Variants in TMEM117 observed in about 807,000 individuals in gnomAD.
TMEM117 encodes transmembrane protein 117.
Under a neutral mutation model 52.4 loss-of-function variants are expected in TMEM117, and 27 were observed. The observed-to-expected ratio is 0.51, with a 90% CI of 0.38 to 0.71. The LOEUF is 0.71. Among genes scored for constraint, TMEM117 ranks in the 30% least tolerant of loss-of-function variants. The pLI is 0.00. For missense variants in TMEM117, 556 were observed against 630.5 expected (o/e 0.88, Z 1.26); for synonymous variants, 215 against 206.3 (o/e 1.04, Z -0.36).
In TMEM117 at chr12:44,048,572, C is replaced by T. The variant is rs138121896; in HGVS notation, c.411-94953C>T. Among the ~76,000 whole-genome samples, 4 of 152,108 alleles carry T rather than the reference C, an allele frequency of 2.6e-5. No homozygotes were observed. In the East Asian group the frequency reaches 7.7e-4, roughly 29 times the overall value. On this transcript the variant is annotated intron_variant, in intron 3 of 7. Transcript: ENST00000266534. ...CTATCATATGCAAATATTTTTTTGG[C>T]TACTATGGATCAAAATGGTTTGCAG...
At chr12:44,001,228 C>T (rs1002009107) in intron 3 of TMEM117, among the ~76,000 whole-genome samples, 7 of 152,164 alleles carry the variant, frequency 4.6e-5, no homozygotes, top group Admixed American at 2.0e-4. Context: ...TCACATTTAA[C>T]CCTAAAATGG....
intron 3 of TMEM117, among the ~76,000 whole-genome samples, chr12:43,980,394 G>C (rs544309367): frequency 1.3e-5 from 2 of 151,180 alleles, no homozygotes; most frequent in Non-Finnish European, 2.9e-5. Context: ...TACATCTAGC[G>C]TACCTTCTTC....
At chr12:43,819,836 G>A in the TMEM117 span, among the ~76,000 whole-genome samples, 8 of 151,746 alleles carry the variant, frequency 5.3e-5, no homozygotes, top group Non-Finnish European at 7.4e-5. Flanking sequence ...AAGGAAGGAG[G>A]GAAGGAAGGG....
rs550424486 is a variant in TMEM117 at position 44,327,787 on chromosome 12, A to G, written c.768+28048A>G. 1.2e-4 allele frequency among the ~76,000 whole-genome samples: 18 copies of G among 152,258 alleles called. No homozygotes were observed. In the South Asian group the frequency reaches 3.3e-3, roughly 28 times the overall value. ...GCATTTAGAGTCAGTCCTTTCAGAT[A>G]TAAGTGTGCTGTGCAGGAAAAGTTC... On this transcript the variant is annotated intron_variant, in intron 6 of 7. Coordinates refer to ENST00000266534, the MANE Select transcript of TMEM117 (RefSeq NM_032256.3).
At chr12:43,960,782 T>TA (rs1402117379) in intron 3 of TMEM117, among the ~76,000 whole-genome samples, 69 of 152,318 alleles carry the variant, frequency 4.5e-4, no homozygotes, top group African/African-American at 1.6e-3. Context: ...GCGGAAACGT[T>TA]AGACAGTTTT....
chr12:44,352,420 T>C (rs1177062800), intron 6 of TMEM117, among the ~76,000 whole-genome samples: 2 of 152,130 alleles, frequency 1.3e-5, no homozygotes, highest in Non-Finnish European at 2.9e-5. Flanking sequence ...GCATTAGGTG[T>C]ATCTCCTAAT....
chr12:44,174,024 T>G (rs2138292482), intron 4 of TMEM117, among the ~76,000 whole-genome samples: 1 of 152,336 alleles, frequency 6.6e-6, no homozygotes, highest in Middle Eastern at 3.4e-3. Flanking sequence ...GTAATTGCTT[T>G]TAACTTTTTT....
chr12:43,807,567 GTTGACTTGCAGTATT>G, the TMEM117 span, among the ~76,000 whole-genome samples: 12 of 152,346 alleles, frequency 7.9e-5, no homozygotes, highest in African/African-American at 2.9e-4. Flanking sequence ...AAATTGCAGA[GTTGACTTGCAGTATT>G]TTGACTGATT....
chr12:43,870,440 G>T (rs1195384570), intron 2 of TMEM117, among the ~76,000 whole-genome samples: 1 of 151,866 alleles, frequency 6.6e-6, no homozygotes, highest in Non-Finnish European at 1.5e-5. Flanking sequence ...TGTATTTTTA[G>T]TAGAGACGGG....
chr12:44,180,139 C>A (rs1403897335), intron 4 of TMEM117, among the ~76,000 whole-genome samples: 1 of 152,124 alleles, frequency 6.6e-6, no homozygotes, highest in Non-Finnish European at 1.5e-5. Flanking sequence ...TGGCCCCTGA[C>A]TGGGCAGCCA....
intron 2 of TMEM117, among the ~76,000 whole-genome samples, chr12:43,865,024 C>T (rs1943563224): frequency 6.6e-6 from 1 of 152,010 alleles, no homozygotes. Flanking sequence ...AGCTTCACTC[C>T]TGAGGCAGCG....
chr12:44,145,235 A>G (rs1261494569), intron 4 of TMEM117, among the ~76,000 whole-genome samples: 1 of 152,300 alleles, frequency 6.6e-6, no homozygotes, highest in Middle Eastern at 3.4e-3. Context: ...ACTTTGAAAA[A>G]CGTAACTTCC....
At chr12:43,853,660 A>T (rs1943349993) in intron 2 of TMEM117, among the ~76,000 whole-genome samples, 1 of 152,344 alleles carries the variant, frequency 6.6e-6, no homozygotes, top group East Asian at 1.9e-4. Context: ...ATCTCAAGGA[A>T]TTTAAAATCT....
chr12:44,138,029 A>G (rs958743060), intron 3 of TMEM117, among the ~76,000 whole-genome samples: 2 of 152,152 alleles, frequency 1.3e-5, no homozygotes, highest in African/African-American at 2.4e-5. Context: ...CTGGGAAGGA[A>G]AGGTATTTTT....
intron 4 of TMEM117, among the ~76,000 whole-genome samples, chr12:44,181,730 A>G (rs1949202683): frequency 6.6e-6 from 1 of 150,878 alleles, no homozygotes; most frequent in South Asian, 2.1e-4. Flanking sequence ...TTTTGGTACC[A>G]GTACCATGCT....
At chr12:43,943,580 G>A (rs942336840) in intron 2 of TMEM117, among the ~76,000 whole-genome samples, 10 of 152,182 alleles carry the variant, frequency 6.6e-5, no homozygotes, top group Admixed American at 1.3e-4. Flanking sequence ...TGAAAATTAT[G>A]TTTTGCCAGG....
intron 3 of TMEM117, among the ~76,000 whole-genome samples, chr12:44,052,966 C>T (rs1375797370): frequency 6.6e-6 from 1 of 152,172 alleles, no homozygotes; most frequent in Admixed American, 6.5e-5. Flanking sequence ...CACACCTCTC[C>T]TCCCAGTCTT....
At chr12:44,095,637 G>C (rs1947745652) in intron 3 of TMEM117, among the ~76,000 whole-genome samples, 1 of 151,854 alleles carries the variant, frequency 6.6e-6, no homozygotes, top group Admixed American at 6.6e-5. Flanking sequence ...AGGAGAGAGA[G>C]AAGAAAAAGC....
chr12:44,315,710 G>T (rs1347723699), intron 6 of TMEM117, among the ~76,000 whole-genome samples: 1 of 152,132 alleles, frequency 6.6e-6, no homozygotes, highest in Admixed American at 6.5e-5. Context: ...AGATATAGGA[G>T]TATTTGTATT....
Sources: gnomAD v4.1 joint callset for allele counts (sites outside exome capture counted in the v4.1 genomes callset) on GRCh38, gnomAD v4.1.1 for gene constraint, MANE v1.5 for transcripts, NCBI Gene and HGNC (gene_info 2026-07-23, HGNC 2026-07-21) for gene names.